The following FRMD8 variants were observed in gnomAD, a reference collection of about 807,000 sequenced individuals.
FRMD8 encodes the protein FERM domain-containing protein 8.
Under a neutral mutation model 54.2 loss-of-function variants are expected in FRMD8, and 37 were observed. That is an observed-to-expected ratio of 0.68 (90% CI 0.53 to 0.90). The LOEUF (loss-of-function observed/expected upper bound fraction) is 0.90, where lower values mean the gene tolerates loss of function less well. Among genes scored for constraint, FRMD8 ranks in the 40% least tolerant of loss-of-function variants. The probability of loss-of-function intolerance (pLI) is 0.00; values close to 1 mark genes in which losing one functional copy is unlikely to be tolerated. For synonymous variants in FRMD8, 246 were observed against 286.9 expected, an observed-to-expected ratio of 0.86 and a Z score of 1.44; for missense variants, 585 against 653.7, an observed-to-expected ratio of 0.89 and a Z score of 1.15.
chr11:65,385,007 CTTCT>C (rs1855707996), upstream of FRMD8, among the ~76,000 whole-genome samples: 1 of 152,150 alleles, frequency 6.6e-6, no homozygotes, highest in Admixed American at 6.5e-5. Context: ...TTCTCCTGGG[CTTCT>C]TTCTCTTTCC....
At chr11:65,391,799 T>C (rs1855851443) in intron 3 of FRMD8, among the ~76,000 whole-genome samples, 1 of 152,120 alleles carries the variant, frequency 6.6e-6, no homozygotes, top group South Asian at 2.1e-4. Flanking sequence ...ACATGAACCA[T>C]CACGCCCGGC....
At chr11:65,401,117 G>T (rs535642156) in intron 9 of FRMD8, among the ~76,000 whole-genome samples, 2 of 152,080 alleles carry the variant, frequency 1.3e-5, no homozygotes, top group East Asian at 1.9e-4. Context: ...GCAGCTGTTT[G>T]TTGAGGGCTT....
In FRMD8 at chr11:65,394,413, C is replaced by G; in HGVS notation, c.569C>G (p.Ala190Gly). ...CCCTACCAGCCCGGCCGGCCGGCAG[C>G]CTGCGACCTGAGGTGAGGGCCTGTG... is the stretch of plus-strand genomic sequence containing the variant. ...LGPYQPGRPA[A>G]CDLREKLDSF... is the part of the protein sequence containing the mutation. The change falls in exon 6 of 11, where the codon GCC (alanine) becomes GGC (glycine). Residue 190 changes from alanine to glycine, a missense_variant. Ala to Gly is a moderately conservative substitution (Grantham distance 60). Transcript: ENST00000317568. The G allele has an allele frequency of 6.4e-7, 1 of 1,567,686 alleles. No individual in the cohort carries two copies. Among genetic ancestry groups the G allele is most frequent in the South Asian group, 1.2e-5 (1 of 86,172 alleles).
the FRMD8 span, chr11:65,380,059 C>A: frequency 1.3e-6 from 2 of 1,580,670 alleles, no homozygotes; most frequent in Non-Finnish European, 8.7e-7. Context: ...ATTAGCCAGG[C>A]CTGATCTCAG....
At chr11:65,381,860 G>A (rs142281092), upstream of FRMD8, 240 of 1,610,892 alleles carry the variant, frequency 1.5e-4, no homozygotes, top group Non-Finnish European at 1.8e-4. Context: ...CCATCTTCCC[G>A]AGGAAGTGAC....
chr11:65,368,638 A>G, the FRMD8 span, among the ~76,000 whole-genome samples: 9 of 152,028 alleles, frequency 5.9e-5, no homozygotes, highest in Non-Finnish European at 4.4e-5. Context: ...ATCTCGGCTC[A>G]CTGCAAGCTC....
the FRMD8 span, chr11:65,380,683 C>T: frequency 9.5e-7 from 1 of 1,052,476 alleles, no homozygotes; most frequent in Non-Finnish European, 1.3e-6. Context: ...CCCCTCCCCT[C>T]CACCTGCCCA....
chr11:65,373,763 T>G, the FRMD8 span, among the ~76,000 whole-genome samples: 1 of 152,106 alleles, frequency 6.6e-6, no homozygotes, highest in African/African-American at 2.4e-5. Context: ...AATGTTTAAA[T>G]TTTTGGTAGA....
At chr11:65,409,555 T>TGAGTCCAG (rs1419279594) in intron 10 of FRMD8, among the ~76,000 whole-genome samples, 1 of 151,962 alleles carries the variant, frequency 6.6e-6, no homozygotes, top group Non-Finnish European at 1.5e-5. Context: ...GCAGATTGCT[T>TGAGTCCAG]GAGTCCAGGA....
the FRMD8 span, chr11:65,380,429 AG>A: frequency 4.9e-6 from 5 of 1,017,288 alleles, no homozygotes; most frequent in Admixed American, 1.2e-4. Context: ...CACACCCAAG[AG>A]GGAAGAGCCA....
chr11:65,393,083 G>A (rs1381287614), intron 3 of FRMD8, among the ~76,000 whole-genome samples: 1 of 152,232 alleles, frequency 6.6e-6, no homozygotes, highest in Non-Finnish European at 1.5e-5. Context: ...TGCAGAGCTT[G>A]CAGGATGGAA....
Position 65,389,520 on chromosome 11 carries a change from C to T in FRMD8, c.245C>T (p.Pro82Leu), listed in dbSNP as rs766594002. 3 of 1,584,770 alleles carry T rather than the reference C, an allele frequency of 1.9e-6. No homozygotes were observed. The highest frequency in any genetic ancestry group is 1.1e-5 in the South Asian group (1 of 88,762). ...LDVFALWLVS[P>L]LLEVQLKPKH... Reference sequence around the variant, plus strand: ...GTCTTCGCGCTCTGGCTGGTCTCCCCTCTGCTGGGTAAGGCTTGGCAGTGA... The same window carrying T: ...GTCTTCGCGCTCTGGCTGGTCTCCCTTCTGCTGGGTAAGGCTTGGCAGTGA... The change falls in exon 3 of 11, where the codon CCT (proline) becomes CTT (leucine). Residue 82 changes from proline (P) to leucine (L), a missense_variant. Coordinates refer to ENST00000317568, the MANE Select transcript of FRMD8 (RefSeq NM_031904.5).
At position 65,396,980 on chromosome 11, in the gene FRMD8, C is replaced by T. The variant is rs774787597; in HGVS notation, c.763C>T (p.Arg255Cys). The change falls in exon 7 of 11, where the codon CGC (arginine) becomes TGC (cysteine). Residue 255 changes from arginine (R) to cysteine (C), a missense_variant. By Grantham distance (180) the Arg-to-Cys change is radical. Transcript: ENST00000317568. ...CGAGGCCGCCCTGGGCACCCACTAC[C>T]GCGCCTATCTCCTCAAGTGCCACGA... ...GCEAALGTHYRAYLLKCHELP... is the reference protein window; with the variant it reads ...GCEAALGTHYCAYLLKCHELP... 1.1e-5 allele frequency: 17 copies of T among 1,489,068 alleles called. No individual in the cohort carries two copies. Among genetic ancestry groups the T allele is most frequent in the South Asian group, 1.0e-4 (8 of 76,272 alleles). 92.2% of individuals were successfully genotyped at this position (1,489,068 alleles called of 1,614,324 possible).
chr11:65,390,156 C>A (rs926649617), intron 3 of FRMD8, among the ~76,000 whole-genome samples: 1 of 152,028 alleles, frequency 6.6e-6, no homozygotes. Flanking sequence ...TCCAGCCCTG[C>A]CTGGCTGGCC....
chr11:65,394,253 C>A lies in FRMD8; in HGVS notation c.415-6C>A. 6.2e-7 allele frequency: 1 copy of A among 1,600,434 alleles called. No individual in the cohort carries two copies. The highest frequency in any genetic ancestry group is 8.5e-7 in the Non-Finnish European group (1 of 1,173,808). ...GAGCGGCTGTCCCTGCCACACCCCC[C>A]TGCAGATCCATGACGAGGAGGTCCT... On this transcript the variant is annotated splice_polypyrimidine_tract_variant and splice_region_variant and intron_variant, in intron 5 of 10. Coordinates refer to ENST00000317568, the MANE Select transcript of FRMD8 (RefSeq NM_031904.5).
chr11:65,375,909 A>G, the FRMD8 span: 2 of 158,664 alleles, frequency 1.3e-5, no homozygotes, highest in Non-Finnish European at 2.8e-5. Context: ...AAAAATACAA[A>G]AATTTAGCTG....
Position 65,397,029 on chromosome 11 carries a change from C to T in FRMD8, c.803+9C>T. 7.1e-7 allele frequency: 1 copy of T among 1,413,432 alleles called. No individual in the cohort carries two copies. The highest frequency in any genetic ancestry group is 2.8e-5 in the East Asian group (1 of 35,414). 87.6% of individuals were successfully genotyped at this position (1,413,432 alleles called of 1,614,324 possible). On this transcript the variant is annotated intron_variant, in intron 7 of 10. Transcript: ENST00000317568. ...GAGCTGCCGTTTTATGGGTAAGAGC[C>T]ACAGCCCCGCGGTCCCCCACCCCCT...
chr11:65,379,824 C>T, the FRMD8 span: 25 of 1,610,336 alleles, frequency 1.6e-5, 1 homozygote, highest in South Asian at 2.6e-4. Flanking sequence ...GCCCCAGATG[C>T]CTCCCCGAAA....
the FRMD8 span, among the ~76,000 whole-genome samples, chr11:65,369,308 G>C: frequency 1.3e-5 from 2 of 152,018 alleles, no homozygotes; most frequent in African/African-American, 4.8e-5. Flanking sequence ...TGTGCGGCTG[G>C]GCACAGTGTC....
Sources: allele counts gnomAD v4.1 joint callset (sites outside exome capture counted in the v4.1 genomes callset), GRCh38; gene constraint gnomAD v4.1.1; transcripts MANE v1.5; gene names NCBI Gene and HGNC (gene_info 2026-07-23, HGNC 2026-07-21).